Variants in PADI2 observed in about 807,000 individuals in gnomAD.
PADI2 encodes protein-arginine deiminase type-2.
PADI2 carries 70 observed loss-of-function variants against 81.1 expected under a neutral mutation model. That is an observed-to-expected ratio of 0.86 (90% CI 0.71 to 1.05). The LOEUF is 1.05. Ranked by LOEUF, PADI2 falls within the 50% of genes least tolerant of loss-of-function variation. The pLI is 0.00. For synonymous variants in PADI2, 338 were observed against 358.0 expected (o/e 0.94, Z 0.63); for missense variants, 853 against 889.9 (o/e 0.96, Z 0.53).
chr1:17,088,774 G>T (rs1306296642), intron 6 of PADI2, among the ~76,000 whole-genome samples: 1 of 151,968 alleles, frequency 6.6e-6, no homozygotes, highest in Admixed American at 6.6e-5. Flanking sequence ...GGACATGGTG[G>T]TGCGTGCCTG....
intron 15 of PADI2, 133 bp from the exon 16 acceptor site, chr1:17,069,410 G>A (rs1440864675): frequency 8.7e-6 from 6 of 688,912 alleles, no homozygotes; most frequent in South Asian, 5.5e-5. Flanking sequence ...GGACGGAGTG[G>A]GGCTAAGTCA....
intron 9 of PADI2, chr1:17,083,271 C>T (rs890187275): frequency 6.1e-6 from 1 of 164,738 alleles, no homozygotes; most frequent in African/African-American, 2.4e-5. Context: ...CTTAAGCCCG[C>T]AAGGCGGAGG....
intron 1 of PADI2, among the ~76,000 whole-genome samples, chr1:17,108,229 G>A (rs1450488950): frequency 6.6e-6 from 1 of 152,112 alleles, no homozygotes; most frequent in African/African-American, 2.4e-5. Context: ...GATTACAGGC[G>A]TGAGCCACCG....
At chr1:17,077,919 G>A (rs1267295994) in intron 11 of PADI2, among the ~76,000 whole-genome samples, 1 of 152,130 alleles carries the variant, frequency 6.6e-6, no homozygotes, top group African/African-American at 2.4e-5. Context: ...AACTGGGCAG[G>A]GAGTGAGGAG....
rs2078227850 is a variant in PADI2 at position 17,067,132 on chromosome 1, A to ACTCTTTTTC, written c.*1911_*1912insGAAAAAGAG. Reference sequence around the variant, plus strand: ...CAGAAATTACCGACATCATTGGGGAAAGCCTTAGAAAAATCTATAAAGACA... The same window carrying ACTCTTTTTC: ...CAGAAATTACCGACATCATTGGGGAACTCTTTTTCAGCCTTAGAAAAATCTATAAAGACA... On this transcript the variant is annotated 3_prime_UTR_variant, in exon 16 of 16. Transcript: ENST00000375486. The ACTCTTTTTC allele has an allele frequency of 6.6e-6, 1 of 151,694 alleles. No homozygotes were observed. Among genetic ancestry groups the ACTCTTTTTC allele is most frequent in the Non-Finnish European group, 1.5e-5 (1 of 67,954 alleles). The allele number at this position is 151,694 out of a possible 1,614,324, so 9.4% of individuals were successfully genotyped here. A position where few individuals can be genotyped will look rare whatever the true frequency, so the allele number is the denominator to read the frequency against.
intron 13 of PADI2, among the ~76,000 whole-genome samples, chr1:17,074,379 C>T (rs1027559273): frequency 8.1e-5 from 10 of 122,748 alleles, no homozygotes; most frequent in Non-Finnish European, 1.6e-4. Flanking sequence ...GCAATAAGAG[C>T]GAAACTCTGT....
intron 3 of PADI2, among the ~76,000 whole-genome samples, chr1:17,097,765 T>TTA (rs10649306): frequency 6.6e-6 from 1 of 151,808 alleles, no homozygotes; most frequent in African/African-American, 2.4e-5. Flanking sequence ...CACCAGGGGC[T>TTA]AAGAGCCTGG....
At chr1:17,071,830 C>T (rs549283026) in intron 13 of PADI2, among the ~76,000 whole-genome samples, 9 of 152,326 alleles carry the variant, frequency 5.9e-5, no homozygotes, top group African/African-American at 2.2e-4. Flanking sequence ...GGATGAGCAG[C>T]TGACCAGCAT....
chr1:17,085,701 A>C (rs1247922239), intron 7 of PADI2, among the ~76,000 whole-genome samples: 1 of 152,220 alleles, frequency 6.6e-6, no homozygotes, highest in Non-Finnish European at 1.5e-5. Flanking sequence ...CCAGGAGTTG[A>C]ACCTGGGCAG....
chr1:17,089,624 G>A (rs1458808948), intron 6 of PADI2, among the ~76,000 whole-genome samples: 1 of 152,036 alleles, frequency 6.6e-6, no homozygotes, highest in Admixed American at 6.5e-5. Context: ...CTCTATTCTG[G>A]GCTGCTTTCT....
At chr1:17,095,777 A>G in intron 4 of PADI2, 132 bp downstream of exon 4, 1 of 646,538 alleles carries the variant, frequency 1.5e-6, no homozygotes, top group Non-Finnish European at 2.8e-6. Context: ...CATCATTGGT[A>G]TGCTGTGTGT....
intron 8 of PADI2, 65 bp from the exon 9 acceptor site, chr1:17,083,902 C>G: frequency 1.1e-6 from 1 of 943,978 alleles, no homozygotes; most frequent in Admixed American, 1.7e-5. Flanking sequence ...AGTCATCTCC[C>G]TGAGATGGTG....
intron 3 of PADI2, among the ~76,000 whole-genome samples, chr1:17,098,300 G>C (rs957300836): frequency 6.6e-6 from 1 of 152,186 alleles, no homozygotes; most frequent in East Asian, 1.9e-4. Context: ...GTAGCCCTGC[G>C]GCCTTCGTCT....
chr1:17,119,448 G>A lies in PADI2; in HGVS notation c.-77C>T, dbSNP rs1931870562. 4 of 1,118,178 alleles carry A rather than the reference G, an allele frequency of 3.6e-6. No homozygotes were observed. Among genetic ancestry groups the A allele is most frequent in the Non-Finnish European group, 4.9e-6 (4 of 809,298 alleles). 69.3% of individuals were successfully genotyped at this position (1,118,178 alleles called of 1,614,324 possible). ...TGCAGCAGGTGCGCCTTCTCCAGCA[G>A]CCTGCGCCCCACGGCCCCGCGCGCA... On this transcript the variant is annotated 5_prime_UTR_variant, in exon 1 of 16. Transcript: ENST00000375486. The surrounding 1 kb of genome is among the most constrained non-coding windows in gnomAD (Gnocchi z 4.8).
At position 17,105,038 on chromosome 1, in the gene PADI2, G is replaced by A; in HGVS notation, c.116C>T (p.Thr39Ile). Residue 39 changes from threonine (T) to isoleucine (I), a missense_variant, in exon 2 of 16, where the codon ACC (threonine) becomes ATC (isoleucine). By Grantham distance (89) the Thr-to-Ile change is moderately conservative. Transcript: ENST00000375486. The part of the protein sequence containing the change: ...VYSAAPAGAQ[T>I]FSLKHSEHVW... ...GTGTTCCGAGTGCTTCAGGCTGAAGGTTTGGGCCCCGGCTGGGGCCGCGCT... is the reference window on the plus strand; with the variant it reads ...GTGTTCCGAGTGCTTCAGGCTGAAGATTTGGGCCCCGGCTGGGGCCGCGCT... 1 of 1,588,066 alleles carries A rather than the reference G, an allele frequency of 6.3e-7. No homozygotes were observed. The highest frequency in any genetic ancestry group is 8.6e-7 in the Non-Finnish European group (1 of 1,162,516).
intron 4 of PADI2, among the ~76,000 whole-genome samples, chr1:17,095,104 TA>T (rs1930866947): frequency 6.6e-6 from 1 of 152,218 alleles, no homozygotes; most frequent in Admixed American, 6.5e-5. Context: ...AGTGTTATTA[TA>T]AAAGTCACAT....
chr1:17,073,416 C>CAAAAAAAAAAAAAAAAAAA (rs55941211), intron 13 of PADI2, among the ~76,000 whole-genome samples: 1 of 127,456 alleles, frequency 7.8e-6, no homozygotes. Flanking sequence ...GACTGTGTCT[C>CAAAAAAAAAAAAAAAAAAA]AAAAAAAAAA....
At chr1:17,106,206 G>A (rs913607948) in intron 1 of PADI2, among the ~76,000 whole-genome samples, 2 of 152,066 alleles carry the variant, frequency 1.3e-5, no homozygotes, top group African/African-American at 2.4e-5. Context: ...GTTCAAAAGT[G>A]GTTTTCCATT....
chr1:17,092,930 T>A (rs4920499), intron 5 of PADI2, among the ~76,000 whole-genome samples: 26 of 138,392 alleles, frequency 1.9e-4, no homozygotes, highest in Admixed American at 3.6e-4. Context: ...GCTTGGGCAA[T>A]AGAACAAGGC....
Sources: allele counts gnomAD v4.1 joint callset (sites outside exome capture counted in the v4.1 genomes callset), GRCh38; gene constraint gnomAD v4.1.1; non-coding constraint Gnocchi (gnomAD v3.1); transcripts MANE v1.5; gene names NCBI Gene and HGNC (gene_info 2026-07-23, HGNC 2026-07-21).